Variants in IFT56 observed in about 807,000 individuals in gnomAD.
IFT56 encodes intraflagellar transport 56.
At chr7:139,158,031 C>G in the IFT56 span, among the ~76,000 whole-genome samples, 1 of 151,566 alleles carries the variant, frequency 6.6e-6, no homozygotes, top group Admixed American at 6.6e-5. Context: ...CATACCTACC[C>G]GGCCAGGCAC....
At chr7:139,136,964 G>A in the IFT56 span, among the ~76,000 whole-genome samples, 1 of 152,216 alleles carries the variant, frequency 6.6e-6, no homozygotes, top group Non-Finnish European at 1.5e-5. Context: ...CATTTGGTAT[G>A]AGGAGGATTT....
the IFT56 span, chr7:139,172,962 G>T: frequency 1.4e-6 from 1 of 727,864 alleles, no homozygotes; most frequent in Non-Finnish European, 2.6e-6. Context: ...CCTGCTGCTG[G>T]CGCTTGGGCT....
At chr7:139,165,664 G>A in the IFT56 span, among the ~76,000 whole-genome samples, 1 of 152,106 alleles carries the variant, frequency 6.6e-6, no homozygotes, top group Non-Finnish European at 1.5e-5. Context: ...ACCCCAGGCT[G>A]CTTATGAGAA....
At chr7:139,142,818 C>T in the IFT56 span, among the ~76,000 whole-genome samples, 2 of 151,928 alleles carry the variant, frequency 1.3e-5, no homozygotes, top group Admixed American at 6.6e-5. Flanking sequence ...GGCGACAGCA[C>T]GAGACTGTGT....
the IFT56 span, chr7:139,168,661 T>C: frequency 7.1e-6 from 3 of 421,572 alleles, no homozygotes; most frequent in Middle Eastern, 3.7e-4. Flanking sequence ...ATTTAATAAC[T>C]AACTTAAAAA....
At chr7:139,165,803 G>A in the IFT56 span, among the ~76,000 whole-genome samples, 2 of 152,056 alleles carry the variant, frequency 1.3e-5, no homozygotes, top group Admixed American at 1.3e-4. Context: ...CATTTGTGGT[G>A]GCATTTGGTC....
chr7:139,151,502 C>A, the IFT56 span, among the ~76,000 whole-genome samples: 1 of 152,042 alleles, frequency 6.6e-6, no homozygotes, highest in Non-Finnish European at 1.5e-5. Flanking sequence ...CAGATAGACC[C>A]AAATTTCAAC....
At chr7:139,164,471 G>T in the IFT56 span, among the ~76,000 whole-genome samples, 4 of 152,034 alleles carry the variant, frequency 2.6e-5, no homozygotes, top group Non-Finnish European at 5.9e-5. Flanking sequence ...CACAATAAGG[G>T]TTATGCTTTT....
At chr7:139,148,123 T>C in the IFT56 span, 479 of 1,300,004 alleles carry the variant, frequency 3.7e-4, no homozygotes, top group Non-Finnish European at 5.0e-4. Context: ...ACTGTCCTCT[T>C]TGCCTTGTCC....
At chr7:139,146,496 A>G in the IFT56 span, among the ~76,000 whole-genome samples, 4 of 152,216 alleles carry the variant, frequency 2.6e-5, no homozygotes, top group South Asian at 8.3e-4. Context: ...GGCTGGGCAC[A>G]GTGGTTCACA....
the IFT56 span, among the ~76,000 whole-genome samples, chr7:139,159,641 A>G: frequency 3.3e-5 from 5 of 152,180 alleles, no homozygotes; most frequent in Non-Finnish European, 7.4e-5. Context: ...TACAGATGTG[A>G]CAATCCATCT....
chr7:139,182,575 A>G, the IFT56 span, among the ~76,000 whole-genome samples: 1 of 152,220 alleles, frequency 6.6e-6, no homozygotes, highest in South Asian at 2.1e-4. Context: ...CATCAAGATT[A>G]GCAATGTAGA....
At chr7:139,190,156 C>A in the IFT56 span, 2 of 152,150 alleles carry the variant, frequency 1.3e-5, no homozygotes, top group Non-Finnish European at 2.9e-5. Context: ...TAGTTTGGTA[C>A]CATAATTATT....
chr7:139,184,922 C>T, the IFT56 span, among the ~76,000 whole-genome samples: 13 of 151,374 alleles, frequency 8.6e-5, no homozygotes, highest in Admixed American at 2.6e-4. Flanking sequence ...GGCGTGGTGG[C>T]GGGCGCCTGT....
At chr7:139,139,751 T>C in the IFT56 span, 1 of 560,022 alleles carries the variant, frequency 1.8e-6, no homozygotes, top group South Asian at 2.4e-5. Flanking sequence ...CTTTTCAGAA[T>C]AGAGTAATTG....
At chr7:139,148,277 A>G in the IFT56 span, 2 of 1,613,994 alleles carry the variant, frequency 1.2e-6, no homozygotes, top group Non-Finnish European at 1.7e-6. Context: ...GTGTCTCAAG[A>G]AGTTTTGGCT....
the IFT56 span, chr7:139,178,593 G>A: frequency 1.1e-5 from 17 of 1,613,674 alleles, no homozygotes; most frequent in African/African-American, 4.0e-5. Context: ...CAGTGAGGGC[G>A]AAGAGGTGGG....
chr7:139,175,017 G>A, the IFT56 span, among the ~76,000 whole-genome samples: 13 of 145,538 alleles, frequency 8.9e-5, 1 homozygote, highest in African/African-American at 8.2e-5. Flanking sequence ...TTGGAACCCC[G>A]TCTCAAAAAA....
chr7:139,160,936 T>C, the IFT56 span: 1 of 1,610,956 alleles, frequency 6.2e-7, no homozygotes, highest in Non-Finnish European at 8.5e-7. Context: ...GCCTTTCTTC[T>C]TTAAATTTCA....
Sources: gnomAD v4.1 joint callset for allele counts (sites outside exome capture counted in the v4.1 genomes callset) on GRCh38, gnomAD v4.1.1 for gene constraint, MANE v1.5 for transcripts, NCBI Gene and HGNC (gene_info 2026-07-23, HGNC 2026-07-21) for gene names.